Variants in DDC observed in about 807,000 individuals in gnomAD.
DDC encodes the protein dopa decarboxylase.
DDC carries 43 observed loss-of-function variants against 60.0 expected under a neutral mutation model. The ratio of observed to expected loss-of-function variants is 0.72; its 90% CI spans 0.56 to 0.92. The LOEUF (loss-of-function observed/expected upper bound fraction) is 0.92, where lower values mean the gene tolerates loss of function less well. Ranked by LOEUF, DDC falls within the 40% of genes least tolerant of loss-of-function variation. The pLI, the probability that DDC is intolerant of heterozygous loss-of-function variation, is 0.00. For synonymous variants in DDC, 232 were observed against 234.6 expected (o/e 0.99, Z 0.10); for missense variants, 573 against 620.2 (o/e 0.92, Z 0.81).
At chr7:50,461,656 G>A (rs539469942) in intron 14 of DDC, among the ~76,000 whole-genome samples, 6 of 152,300 alleles carry the variant, frequency 3.9e-5, no homozygotes, top group Admixed American at 2.0e-4. Flanking sequence ...AATGCGAGTC[G>A]GGAGCGTTTG....
intron 6 of DDC, among the ~76,000 whole-genome samples, chr7:50,505,119 C>T (rs1269227512): frequency 6.6e-6 from 1 of 152,250 alleles, no homozygotes; most frequent in Non-Finnish European, 1.5e-5. Context: ...GCCACGATCG[C>T]ACTGGCACAG....
intron 1 of DDC, among the ~76,000 whole-genome samples, chr7:50,552,497 T>C (rs1034068860): frequency 1.3e-5 from 2 of 152,192 alleles, no homozygotes; most frequent in African/African-American, 2.4e-5. Context: ...TCTTTTTGCA[T>C]CAGCAACAGT....
At chr7:50,527,744 C>A in intron 6 of DDC, 2 of 247,714 alleles carry the variant, frequency 8.1e-6, no homozygotes, top group South Asian at 5.4e-5. Context: ...CACCTTGATC[C>A]ACTGGCAGAC....
intron 9 of DDC, 60 bp from the exon 10 acceptor site, chr7:50,479,923 T>TC: frequency 7.4e-7 from 1 of 1,355,944 alleles, no homozygotes; most frequent in African/African-American, 1.4e-5. Flanking sequence ...GGACCACCTC[T>TC]CCCCTCTCCC....
At position 50,473,513 on chromosome 7, in the gene DDC, A is replaced by T. The variant is rs549507349; in HGVS notation, c.1041+3111T>A. Among the ~76,000 whole-genome samples, 4 of 152,328 alleles carry T rather than the reference A, an allele frequency of 2.6e-5. No individual in the cohort carries two copies. The South Asian group carries it at 8.3e-4, about 32-fold the overall frequency. ...TTTGTCCCCTCATCAGCCATGAAAC[A>T]TTGGCTGTGAACACATGATGTGCCA... On this transcript the variant is annotated intron_variant, in intron 11 of 14. Coordinates refer to ENST00000444124, the MANE Select transcript of DDC (RefSeq NM_001082971.2).
At chr7:50,481,378 C>T (rs1258938356) in intron 9 of DDC, among the ~76,000 whole-genome samples, 1 of 152,022 alleles carries the variant, frequency 6.6e-6, no homozygotes, top group Non-Finnish European at 1.5e-5. Context: ...GGGGGAGGTC[C>T]TTTGGGTCTC....
intron 1 of DDC, among the ~76,000 whole-genome samples, chr7:50,565,017 G>C (rs2045399445): frequency 6.6e-6 from 1 of 152,180 alleles, no homozygotes; most frequent in Non-Finnish European, 1.5e-5. Context: ...GCCCGCATTT[G>C]CTACTGAGCC....
chr7:50,556,808 A>C (rs6969081), intron 1 of DDC, among the ~76,000 whole-genome samples: 1 of 151,966 alleles, frequency 6.6e-6, no homozygotes, highest in Non-Finnish European at 1.5e-5. Flanking sequence ...AGTGGAGCTA[A>C]GCTTTCAGCA....
intron 12 of DDC, among the ~76,000 whole-genome samples, chr7:50,469,847 C>T (rs1440159100): frequency 6.6e-6 from 1 of 152,054 alleles, no homozygotes; most frequent in Non-Finnish European, 1.5e-5. Context: ...GGCATGATGG[C>T]GCATGCCTGT....
chr7:50,554,982 G>C (rs2045131860), intron 1 of DDC, among the ~76,000 whole-genome samples: 1 of 152,182 alleles, frequency 6.6e-6, no homozygotes, highest in African/African-American at 2.4e-5. Flanking sequence ...TATTAGCTGG[G>C]TGACCTTAGG....
At chr7:50,476,949 G>C (rs1040141503) in intron 10 of DDC, among the ~76,000 whole-genome samples, 9 of 152,200 alleles carry the variant, frequency 5.9e-5, no homozygotes, top group Non-Finnish European at 1.2e-4. Context: ...GCCCAGTAGA[G>C]AGTTAGCATT....
intron 6 of DDC, among the ~76,000 whole-genome samples, chr7:50,518,992 T>G (rs1178992040): frequency 6.6e-6 from 1 of 152,156 alleles, no homozygotes; most frequent in Non-Finnish European, 1.5e-5. Flanking sequence ...TCTATACATC[T>G]GACAAAGGAC....
intron 9 of DDC, among the ~76,000 whole-genome samples, chr7:50,483,738 T>C (rs1326164278): frequency 6.6e-6 from 1 of 152,066 alleles, no homozygotes; most frequent in East Asian, 1.9e-4. Flanking sequence ...CCGTCTCTAC[T>C]AAAAATACAA....
At chr7:50,464,607 C>A (rs962238510) in intron 13 of DDC, among the ~76,000 whole-genome samples, 2 of 152,148 alleles carry the variant, frequency 1.3e-5, no homozygotes, top group Non-Finnish European at 2.9e-5. Flanking sequence ...AATGTGCTTG[C>A]CATTTTCAAA....
In DDC at chr7:50,529,274, C is replaced by T; in HGVS notation, c.504G>A (p.Gln168=). Residue 168 remains glutamine (Q), a synonymous_variant, in exon 5 of 15, where the codon CAG becomes CAA. Transcript: ENST00000444124. Reference sequence around the variant, plus strand: ...CCTGTGTGAGCTCTGGGGACGCTGCCTGCAGCCGATGGATCACTTTGGTCC... The same window carrying T: ...CCTGTGTGAGCTCTGGGGACGCTGCTTGCAGCCGATGGATCACTTTGGTCC... The part of the protein sequence containing the change: ...AARTKVIHRL[Q]AASPELTQAA... 1.9e-6 allele frequency: 3 copies of T among 1,614,086 alleles called. No homozygotes were observed. The South Asian group carries it at 3.3e-5, about 18-fold the overall frequency.
intron 6 of DDC, among the ~76,000 whole-genome samples, chr7:50,517,007 T>C (rs904537789): frequency 2.2e-4 from 33 of 152,170 alleles, no homozygotes; most frequent in Non-Finnish European, 3.4e-4. Flanking sequence ...ATTCAAAGAA[T>C]TGGTACCAAT....
chr7:50,527,030 A>G (rs2044056291), intron 6 of DDC, among the ~76,000 whole-genome samples: 1 of 129,510 alleles, frequency 7.7e-6, no homozygotes, highest in Admixed American at 7.8e-5. Flanking sequence ...GATTTTTAAC[A>G]TACCTCTCTT....
intron 2 of DDC, chr7:50,543,267 A>C (rs748010934): frequency 1.6e-4 from 25 of 160,504 alleles, no homozygotes; most frequent in Non-Finnish European, 3.3e-4. Context: ...CTACTGTGGA[A>C]GCGTAAAGCT....
chr7:50,474,958 T>C (rs1187161574), intron 11 of DDC, among the ~76,000 whole-genome samples: 1 of 152,236 alleles, frequency 6.6e-6, no homozygotes, highest in Non-Finnish European at 1.5e-5. Context: ...GCCCACTGCA[T>C]AGTCATTTAG....
Sources: allele counts gnomAD v4.1 joint callset (sites outside exome capture counted in the v4.1 genomes callset), GRCh38; gene constraint gnomAD v4.1.1; transcripts MANE v1.5; gene names NCBI Gene and HGNC (gene_info 2026-07-23, HGNC 2026-07-21).